HPSE2: variants seen among roughly 807,000 people sequenced by gnomAD.
HPSE2 encodes heparanase 2 (inactive), also known as inactive heparanase-2.
In HPSE2, 38 loss-of-function variants were observed where a neutral mutation model predicts 60.5. The observed-to-expected ratio is 0.63, with a 90% confidence interval of 0.48 to 0.82. The LOEUF is 0.82. Among genes scored for constraint, HPSE2 ranks in the 40% least tolerant of loss-of-function variants. The probability of loss-of-function intolerance (pLI) is 0.00; values close to 1 mark genes in which losing one functional copy is unlikely to be tolerated. For missense variants in HPSE2, 713 were observed against 740.4 expected (o/e 0.96, Z 0.43); for synonymous variants, 295 against 293.2 (o/e 1.01, Z -0.06).
At chr10:98,664,484 ACAGTACCACCGAT>A (rs1947308703) in intron 6 of HPSE2, among the ~76,000 whole-genome samples, 1 of 152,158 alleles carries the variant, frequency 6.6e-6, no homozygotes, top group African/African-American at 2.4e-5. Flanking sequence ...AAACGTGGGC[ACAGTACCACCGAT>A]CAGAAGGGGC....
chr10:98,991,469 T>A lies in HPSE2; in HGVS notation c.610+152769A>T, dbSNP rs537713016. ...TAAAGAGGCCAATGAATATAACAAA[T>A]AAGAGAGTAGGAGAAGAAAGGTCAG... On this transcript the variant is annotated intron_variant, in intron 3 of 11. Coordinates refer to ENST00000370552, the MANE Select transcript of HPSE2 (RefSeq NM_021828.5). 2.8e-3 allele frequency among the ~76,000 whole-genome samples: 423 copies of A among 152,002 alleles called. 2 individuals carry two copies. Among genetic ancestry groups the A allele is most frequent in the Admixed American group, 5.6e-3 (86 of 15,268 alleles).
intron 3 of HPSE2, among the ~76,000 whole-genome samples, chr10:98,946,190 C>G (rs1955178937): frequency 6.6e-6 from 1 of 151,920 alleles, no homozygotes. Context: ...ACGTGCATGG[C>G]CAGACATAGC....
At chr10:98,799,893 C>T (rs896902622) in intron 3 of HPSE2, among the ~76,000 whole-genome samples, 10 of 151,576 alleles carry the variant, frequency 6.6e-5, no homozygotes, top group Non-Finnish European at 1.3e-4. Flanking sequence ...CAAGAGCAAA[C>T]TGAACTCAAA....
At chr10:99,148,840 A>G (rs1291962758) in intron 2 of HPSE2, among the ~76,000 whole-genome samples, 1 of 152,012 alleles carries the variant, frequency 6.6e-6, no homozygotes, top group Non-Finnish European at 1.5e-5. Context: ...AGTTGAAACT[A>G]TGATTCAATG....
At chr10:99,234,171 TC>T (rs2133955868) in intron 1 of HPSE2, among the ~76,000 whole-genome samples, 1 of 152,276 alleles carries the variant, frequency 6.6e-6, no homozygotes, top group Non-Finnish European at 1.5e-5. Flanking sequence ...AGCTGGCTGT[TC>T]CGCCCTCGCG....
chr10:98,476,974 G>A (rs2133626839), intron 11 of HPSE2, among the ~76,000 whole-genome samples: 1 of 152,280 alleles, frequency 6.6e-6, no homozygotes. Context: ...TTATCCATAT[G>A]TATATCCATC....
the HPSE2 span, among the ~76,000 whole-genome samples, chr10:99,309,710 T>A: frequency 2.0e-4 from 31 of 152,318 alleles, 1 homozygote; most frequent in East Asian, 6.0e-3. Context: ...GCCTAAAATA[T>A]CTATTATATA....
At chr10:98,955,669 C>T (rs1955490762) in intron 3 of HPSE2, among the ~76,000 whole-genome samples, 1 of 152,128 alleles carries the variant, frequency 6.6e-6, no homozygotes, top group South Asian at 2.1e-4. Context: ...ATGTTCACTG[C>T]AGCACTATTC....
At chr10:99,229,491 C>A (rs1467250894) in intron 2 of HPSE2, among the ~76,000 whole-genome samples, 1 of 152,146 alleles carries the variant, frequency 6.6e-6, no homozygotes, top group Non-Finnish European at 1.5e-5. Context: ...ATGTAAGAAT[C>A]CTTACCTTTC....
chr10:98,879,959 A>T (rs1044478559), intron 3 of HPSE2, among the ~76,000 whole-genome samples: 1 of 151,674 alleles, frequency 6.6e-6, no homozygotes, highest in Middle Eastern at 3.4e-3. Context: ...CTTTCTGTAC[A>T]TGACTTTGCC....
intron 3 of HPSE2, among the ~76,000 whole-genome samples, chr10:98,959,128 G>A (rs1955583312): frequency 6.6e-6 from 1 of 152,038 alleles, no homozygotes; most frequent in Non-Finnish European, 1.5e-5. Flanking sequence ...AGAAGAAGGT[G>A]ACTAGGACAT....
intron 3 of HPSE2, among the ~76,000 whole-genome samples, chr10:98,880,359 C>T (rs1952989634): frequency 6.6e-6 from 1 of 152,014 alleles, no homozygotes; most frequent in South Asian, 2.1e-4. Context: ...CTTCAAATAC[C>T]TACAACCTAT....
chr10:98,581,327 C>G (rs1944792373), intron 9 of HPSE2, among the ~76,000 whole-genome samples: 1 of 152,074 alleles, frequency 6.6e-6, no homozygotes, highest in Non-Finnish European at 1.5e-5. Context: ...TTAGTCTTTT[C>G]TTCTTAATGA....
chr10:99,277,659 ATTTAGCG>A, the HPSE2 span, among the ~76,000 whole-genome samples: 10 of 152,216 alleles, frequency 6.6e-5, no homozygotes, highest in Non-Finnish European at 1.5e-4. Context: ...TAATAAAAAC[ATTTAGCG>A]TTTGTGTATC....
the HPSE2 span, among the ~76,000 whole-genome samples, chr10:99,312,781 C>G: frequency 6.6e-6 from 1 of 152,188 alleles, no homozygotes; most frequent in Non-Finnish European, 1.5e-5. Context: ...ATTCCTCTGG[C>G]AGGTCTGGGC....
At chr10:98,630,487 A>G (rs536043742) in intron 7 of HPSE2, among the ~76,000 whole-genome samples, 71 of 150,866 alleles carry the variant, frequency 4.7e-4, no homozygotes, top group Middle Eastern at 3.4e-3. Flanking sequence ...GTGAGCCACC[A>G]CGCCCGGCCG....
At chr10:98,624,922 T>C (rs658053) in intron 7 of HPSE2, among the ~76,000 whole-genome samples, 35,660 of 152,142 alleles carry the variant, frequency 0.23, 4,365 homozygotes, top group Admixed American at 0.32. Flanking sequence ...GTGCCAATTA[T>C]TCTTACGGTT....
At chr10:98,604,041 C>T (rs903795395) in intron 9 of HPSE2, among the ~76,000 whole-genome samples, 3 of 152,080 alleles carry the variant, frequency 2.0e-5, no homozygotes, top group Admixed American at 6.6e-5. Flanking sequence ...ACCTTACCAC[C>T]GTATTACTAA....
intron 2 of HPSE2, among the ~76,000 whole-genome samples, chr10:99,178,692 A>G (rs1451963166): frequency 6.6e-6 from 1 of 152,196 alleles, no homozygotes; most frequent in African/African-American, 2.4e-5. Context: ...ACAGAGGTAC[A>G]AAGAGGAGCT....
Sources: gnomAD v4.1 joint callset for allele counts (sites outside exome capture counted in the v4.1 genomes callset) on GRCh38, gnomAD v4.1.1 for gene constraint, MANE v1.5 for transcripts, NCBI Gene and HGNC (gene_info 2026-07-23, HGNC 2026-07-21) for gene names.